The following COL25A1 variants were observed in gnomAD, a reference collection of about 807,000 sequenced individuals.
COL25A1 encodes collagen alpha-1(XXV) chain.
A neutral mutation model predicts 128.4 loss-of-function variants in COL25A1; 103 were observed. The observed-to-expected ratio is 0.80, with a 90% CI of 0.68 to 0.94. The LOEUF (loss-of-function observed/expected upper bound fraction) is 0.94, where lower values mean the gene tolerates loss of function less well. Among genes scored for constraint, COL25A1 ranks in the 40% least tolerant of loss-of-function variants. COL25A1 has a pLI of 0.00. For missense variants in COL25A1, 745 were observed against 840.0 expected (o/e 0.89, Z 1.40); for synonymous variants, 279 against 277.2 (o/e 1.01, Z -0.06).
At chr4:108,834,343 G>A (rs1733523887) in intron 31 of COL25A1, 3 of 1,550,288 alleles carry the variant, frequency 1.9e-6, no homozygotes, top group African/African-American at 1.4e-5. Context: ...GCAAGACAAG[G>A]GACTGACTCA....
chr4:109,091,427 A>G (rs1764894856), intron 3 of COL25A1, among the ~76,000 whole-genome samples: 1 of 152,208 alleles, frequency 6.6e-6, no homozygotes, highest in Non-Finnish European at 1.5e-5. Context: ...ACAATTGTCT[A>G]TACAATTTAA....
At chr4:108,855,993 G>C (rs997172012) in intron 24 of COL25A1, among the ~76,000 whole-genome samples, 1 of 152,178 alleles carries the variant, frequency 6.6e-6, no homozygotes, top group East Asian at 1.9e-4. Flanking sequence ...GATGGAGAAA[G>C]ACATGGCATT....
intron 13 of COL25A1, among the ~76,000 whole-genome samples, chr4:108,915,240 G>A (rs1340725150): frequency 6.6e-6 from 1 of 152,236 alleles, no homozygotes; most frequent in Non-Finnish European, 1.5e-5. Context: ...AAGATAATGT[G>A]TAGGAAAAAC....
intron 3 of COL25A1, among the ~76,000 whole-genome samples, chr4:109,125,835 C>G (rs958390201): frequency 1.3e-5 from 2 of 152,090 alleles, no homozygotes; most frequent in African/African-American, 4.8e-5. Flanking sequence ...GACATGATTT[C>G]AACATCAAGT....
At chr4:108,944,253 C>A (rs939855912) in intron 8 of COL25A1, among the ~76,000 whole-genome samples, 6 of 152,096 alleles carry the variant, frequency 3.9e-5, no homozygotes, top group African/African-American at 1.4e-4. Context: ...AATACAAGTC[C>A]TTTAAATATA....
rs141670051 is a variant in COL25A1 at position 109,254,993 on chromosome 4, C to T, written c.367+45590G>A. ...TGCACTAATGCAAATACAAGGCTAA[C>T]GAAATCTCACCTGTCAGGGATGAAT... On this transcript the variant is annotated intron_variant, in intron 3 of 37. Coordinates refer to ENST00000399132, the MANE Select transcript of COL25A1 (RefSeq NM_198721.4). Among the ~76,000 whole-genome samples, 271 of 152,268 alleles carry T rather than the reference C, an allele frequency of 1.8e-3. 1 individual carries two copies. The highest frequency in any genetic ancestry group is 5.9e-3 in the African/African-American group (244 of 41,542).
intron 10 of COL25A1, among the ~76,000 whole-genome samples, chr4:108,938,213 G>A (rs1430292114): frequency 1.3e-5 from 2 of 152,068 alleles, no homozygotes; most frequent in Non-Finnish European, 2.9e-5. Flanking sequence ...ATTAATGACG[G>A]CTGAAGTAAC....
At position 108,859,686 on chromosome 4, in the gene COL25A1, G is replaced by A. The variant is rs768216210; in HGVS notation, c.1290C>T (p.Asp430=). Residue 430 remains aspartate, a synonymous_variant, in exon 24 of 38, where the codon GAC becomes GAT. Transcript: ENST00000399132. ...AGGCTTCGTGGAGGTTGCCGTTGTA[G>A]TCTATGATCTCAGTGGCTCCTTGAT... ...KGDQGATEII[D]YNGNLHEALQ... 19 of 1,613,866 alleles carry A rather than the reference G, an allele frequency of 1.2e-5. No homozygotes were observed. The highest frequency in any genetic ancestry group is 1.6e-5 in the Non-Finnish European group (19 of 1,179,898).
chr4:109,193,444 T>C (rs1301982723), intron 3 of COL25A1, among the ~76,000 whole-genome samples: 1 of 152,092 alleles, frequency 6.6e-6, no homozygotes, highest in Non-Finnish European at 1.5e-5. Flanking sequence ...TCCTTGTCTA[T>C]AGGAATAGGC....
chr4:109,261,777 G>A (rs1023844439), intron 3 of COL25A1, among the ~76,000 whole-genome samples: 12 of 150,684 alleles, frequency 8.0e-5, no homozygotes, highest in African/African-American at 2.9e-4. Context: ...GGCTCACTGC[G>A]AGCTCCACCT....
intron 3 of COL25A1, among the ~76,000 whole-genome samples, chr4:109,274,765 A>G (rs1722643307): frequency 6.6e-6 from 1 of 152,198 alleles, no homozygotes; most frequent in Admixed American, 6.5e-5. Context: ...AGCAAGTTAA[A>G]CTGGCACAAT....
At chr4:109,142,884 C>A (rs2704109) in intron 3 of COL25A1, among the ~76,000 whole-genome samples, 95,682 of 151,954 alleles carry the variant, frequency 0.63, 30,606 homozygotes, top group East Asian at 0.75. Context: ...TGTGTCTTTT[C>A]ATTGGGGCAT....
chr4:109,243,487 G>C (rs575821104), intron 3 of COL25A1, among the ~76,000 whole-genome samples: 1 of 151,872 alleles, frequency 6.6e-6, no homozygotes, highest in Non-Finnish European at 1.5e-5. Context: ...AACTCAACTA[G>C]AGAAGAGCCA....
chr4:108,913,236 T>A (rs1744448973), intron 13 of COL25A1, among the ~76,000 whole-genome samples: 1 of 150,510 alleles, frequency 6.6e-6, no homozygotes, highest in Admixed American at 6.6e-5. Context: ...AAAATGGGAC[T>A]TTGTGTGGTC....
intron 30 of COL25A1, 41 bp downstream of exon 30, chr4:108,844,478 C>A: frequency 6.2e-7 from 1 of 1,614,014 alleles, no homozygotes; most frequent in South Asian, 1.1e-5. Flanking sequence ...GCAGCATGCT[C>A]ATAAATAAGC....
chr4:108,995,063 C>T (rs1218555083), intron 6 of COL25A1, among the ~76,000 whole-genome samples: 1 of 152,186 alleles, frequency 6.6e-6, no homozygotes, highest in African/African-American at 2.4e-5. Flanking sequence ...CTCTTCTCCT[C>T]CAAAGGATCA....
intron 3 of COL25A1, among the ~76,000 whole-genome samples, chr4:109,145,422 CT>C (rs1770841965): frequency 2.0e-5 from 3 of 152,306 alleles, no homozygotes; most frequent in Admixed American, 2.0e-4. Flanking sequence ...TCAATGAAAA[CT>C]TACACATACT....
At chr4:109,075,981 C>T (rs1334128088) in intron 3 of COL25A1, among the ~76,000 whole-genome samples, 1 of 152,142 alleles carries the variant, frequency 6.6e-6, no homozygotes, top group Non-Finnish European at 1.5e-5. Flanking sequence ...TGAACATGTG[C>T]AGACTTTTCT....
intron 8 of COL25A1, among the ~76,000 whole-genome samples, chr4:108,960,311 A>G (rs1300781784): frequency 6.6e-6 from 1 of 152,136 alleles, no homozygotes; most frequent in Non-Finnish European, 1.5e-5. Context: ...CACATTTTTT[A>G]AAAAACGAAG....
Sources: gnomAD v4.1 joint callset for allele counts (sites outside exome capture counted in the v4.1 genomes callset) on GRCh38, gnomAD v4.1.1 for gene constraint, MANE v1.5 for transcripts, NCBI Gene and HGNC (gene_info 2026-07-23, HGNC 2026-07-21) for gene names.